Variants in SASH1 observed in about 807,000 individuals in gnomAD.
SASH1 encodes SAM and SH3 domain containing 1.
In SASH1, 44 loss-of-function variants were observed where a neutral mutation model predicts 125.2. The observed-to-expected ratio is 0.35, with a 90% CI of 0.28 to 0.45. SASH1 has a LOEUF of 0.45. SASH1 is among the 20% of genes least tolerant of loss of function. The pLI is 1.00. For missense variants in SASH1, 1,426 were observed against 1,614.5 expected, an observed-to-expected ratio of 0.88 and a Z score of 2.00; for synonymous variants, 639 against 649.1, an observed-to-expected ratio of 0.98 and a Z score of 0.24.
chr6:148,514,307 C>T lies in SASH1; in HGVS notation c.730-17C>T, dbSNP rs199788295. The stretch of plus-strand genomic sequence containing the variant: ...GAGCAATTACCTGATTAACTTTTTC[C>T]TTTGTTTCTTTGCCAGTCAAGAGAA... On this transcript the variant is annotated splice_polypyrimidine_tract_variant and intron_variant, in intron 8 of 19. Transcript: ENST00000367467. 2.5e-6 allele frequency: 4 copies of T among 1,594,332 alleles called. No homozygotes were observed. The highest frequency in any genetic ancestry group is 1.1e-5 in the South Asian group (1 of 86,990).
intron 2 of SASH1, among the ~76,000 whole-genome samples, chr6:148,424,324 C>T (rs2114955824): frequency 6.6e-6 from 1 of 151,326 alleles, no homozygotes; most frequent in Middle Eastern, 3.4e-3. Context: ...ACTGTGGGTT[C>T]AAGTGATTCT....
intron 1 of SASH1, among the ~76,000 whole-genome samples, chr6:148,320,253 C>T (rs1176861236): frequency 6.6e-6 from 1 of 152,148 alleles, no homozygotes; most frequent in Non-Finnish European, 1.5e-5. Context: ...TACTTCAGAT[C>T]GCAGAGCCTG....
intron 1 of SASH1, among the ~76,000 whole-genome samples, chr6:148,317,060 T>C (rs1273333534): frequency 2.0e-5 from 3 of 152,168 alleles, no homozygotes; most frequent in Non-Finnish European, 2.9e-5. Context: ...TCAGGAGAAA[T>C]AGCCAACAGC....
chr6:148,518,213 G>A (rs140234528), intron 9 of SASH1, among the ~76,000 whole-genome samples: 3 of 152,190 alleles, frequency 2.0e-5, no homozygotes, highest in African/African-American at 7.2e-5. Flanking sequence ...TGAGAACCCC[G>A]AATCCTGCCT....
At chr6:148,317,872 A>G (rs1334586274) in intron 1 of SASH1, among the ~76,000 whole-genome samples, 1 of 152,180 alleles carries the variant, frequency 6.6e-6, no homozygotes. Context: ...AACGCATTCC[A>G]TTATTTAACA....
At chr6:148,206,065 A>C in the SASH1 span, among the ~76,000 whole-genome samples, 1 of 152,202 alleles carries the variant, frequency 6.6e-6, no homozygotes, top group Non-Finnish European at 1.5e-5. Context: ...GCACTTTACA[A>C]ATGTCAGCAT....
At position 148,549,973 on chromosome 6, in the gene SASH1, C is replaced by T. The variant is rs1371177104; in HGVS notation, c.*1415C>T. ...TATAGGCACCCACCACCACGCCCAG[C>T]TAATTTTTGTATTATTAGTAGAGAC... On this transcript the variant is annotated 3_prime_UTR_variant, in exon 20 of 20. Coordinates refer to ENST00000367467, the MANE Select transcript of SASH1 (RefSeq NM_015278.5). 1 of 157,468 alleles carries T rather than the reference C, an allele frequency of 6.4e-6. No homozygotes were observed. Among genetic ancestry groups the T allele is most frequent in the African/African-American group, 2.4e-5 (1 of 41,706 alleles). 9.8% of individuals were successfully genotyped at this position (157,468 alleles called of 1,614,324 possible).
chr6:148,382,134 G>C (rs1783165678), intron 1 of SASH1, among the ~76,000 whole-genome samples: 1 of 152,086 alleles, frequency 6.6e-6, no homozygotes, highest in Non-Finnish European at 1.5e-5. Context: ...ATATTTTTTT[G>C]ACTCTGAAGG....
chr6:148,238,370 T>G, the SASH1 span, among the ~76,000 whole-genome samples: 1 of 151,992 alleles, frequency 6.6e-6, no homozygotes, highest in African/African-American at 2.4e-5. Flanking sequence ...ATTACAGGCA[T>G]GCGCCACCAT....
intron 1 of SASH1, among the ~76,000 whole-genome samples, chr6:148,302,702 CTG>C (rs1562314452): frequency 1.4e-5 from 2 of 145,502 alleles, no homozygotes; most frequent in African/African-American, 5.1e-5. Context: ...TATATACACA[CTG>C]TGTATATATA....
At chr6:148,313,809 G>C (rs557383787) in intron 1 of SASH1, among the ~76,000 whole-genome samples, 1 of 152,292 alleles carries the variant, frequency 6.6e-6, no homozygotes, top group South Asian at 2.1e-4. Flanking sequence ...AGCTGTAATT[G>C]TGTCAACTGG....
intron 1 of SASH1, among the ~76,000 whole-genome samples, chr6:148,344,765 T>C (rs573311498): frequency 8.7e-4 from 132 of 151,330 alleles, no homozygotes; most frequent in East Asian, 3.5e-3. Context: ...CTTTTTTTTT[T>C]TTTTTTTTGA....
chr6:148,383,541 CATAAA>C (rs1440056914), intron 1 of SASH1, among the ~76,000 whole-genome samples: 1 of 152,072 alleles, frequency 6.6e-6, no homozygotes, highest in African/African-American at 2.4e-5. Context: ...TTTATAGATA[CATAAA>C]ATAGGAGGAT....
chr6:148,271,690 A>T (rs993196472), upstream of SASH1, among the ~76,000 whole-genome samples: 1 of 152,158 alleles, frequency 6.6e-6, no homozygotes, highest in Non-Finnish European at 1.5e-5. Flanking sequence ...ATATCAGCCA[A>T]CTCTACAAAG....
intron 8 of SASH1, among the ~76,000 whole-genome samples, chr6:148,510,203 T>C (rs1780038463): frequency 1.3e-5 from 2 of 152,238 alleles, no homozygotes; most frequent in Non-Finnish European, 2.9e-5. Context: ...TTGAGCCATA[T>C]GGGCTTTCTG....
chr6:148,536,642 C>T (rs891329133), intron 16 of SASH1, among the ~76,000 whole-genome samples: 1 of 152,202 alleles, frequency 6.6e-6, no homozygotes, highest in Non-Finnish European at 1.5e-5. Context: ...ATCCAACCAA[C>T]AGCTGGTTTA....
chr6:148,504,686 A>G (rs377422489), intron 8 of SASH1, among the ~76,000 whole-genome samples: 2 of 152,266 alleles, frequency 1.3e-5, no homozygotes, highest in South Asian at 2.1e-4. Flanking sequence ...TCTTCATTCC[A>G]CAGTGATCGC....
chr6:148,468,625 C>T, intron 5 of SASH1, 40 bp downstream of exon 5: 1 of 1,327,092 alleles, frequency 7.5e-7, no homozygotes, highest in East Asian at 2.4e-5. Flanking sequence ...TTAATTATTT[C>T]AATACTTTAT....
chr6:148,274,025 G>A (rs1487350281), intron 1 of SASH1, among the ~76,000 whole-genome samples: 2 of 152,206 alleles, frequency 1.3e-5, no homozygotes, highest in African/African-American at 4.8e-5. Context: ...GCAACCAGAA[G>A]GAGAGACTGG....
Sources: allele counts gnomAD v4.1 joint callset (sites outside exome capture counted in the v4.1 genomes callset), GRCh38; gene constraint gnomAD v4.1.1; transcripts MANE v1.5; gene names NCBI Gene and HGNC (gene_info 2026-07-23, HGNC 2026-07-21).